RPS24: variants seen among roughly 807,000 people sequenced by gnomAD.
RPS24 encodes ribosomal protein S24, also known as small ribosomal subunit protein eS24.
For missense variants in RPS24, 100 were observed against 162.5 expected (o/e 0.62, Z 2.09); for synonymous variants, 72 against 55.6 (o/e 1.30, Z -1.31).
intron 4 of RPS24, 43 bp from the exon 5 acceptor site, chr10:78,040,161 T>G: frequency 6.2e-7 from 1 of 1,600,934 alleles, no homozygotes; most frequent in East Asian, 2.2e-5. Context: ...GAAATCTTTC[T>G]TTTCCCTCCT....
Position 78,035,695 on chromosome 10 carries a change from A to G in RPS24, c.254A>G (p.Asn85Ser). 1.2e-6 allele frequency: 2 copies of G among 1,601,690 alleles called. No homozygotes were observed. The highest frequency in any genetic ancestry group is 1.7e-6 in the Non-Finnish European group (2 of 1,179,850). Residue 85 changes from asparagine (N) to serine (S), a missense_variant, in exon 3 of 6, where the codon AAT becomes AGT. Transcript: ENST00000372360. The part of the protein sequence containing the change: ...IYDSLDYAKK[N>S]EPKHRLARHG... ...GATTCCCTGGATTATGCAAAGAAAA[A>G]TGAACCCAAACATAGACTTGCAAGA...
At chr10:78,045,266 C>G (rs563771406), downstream of RPS24, among the ~76,000 whole-genome samples, 1 of 152,050 alleles carries the variant, frequency 6.6e-6, no homozygotes, top group African/African-American at 2.4e-5. Context: ...GGATTACCGT[C>G]GTGAGGCACC....
chr10:78,050,083 G>T (rs1564632678), intron 4 of RPS24, among the ~76,000 whole-genome samples: 1 of 152,140 alleles, frequency 6.6e-6, no homozygotes, highest in East Asian at 1.9e-4. Flanking sequence ...CTGGATTTGG[G>T]TCTGGAAAAT....
intron 4 of RPS24, among the ~76,000 whole-genome samples, chr10:78,047,945 T>C (rs1486036625): frequency 1.3e-5 from 2 of 152,242 alleles, no homozygotes; most frequent in South Asian, 4.1e-4. Flanking sequence ...CACCACACTT[T>C]AAGATCTCTG....
intron 4 of RPS24, chr10:78,038,286 T>C (rs1847920259): frequency 5.4e-6 from 1 of 183,624 alleles, no homozygotes; most frequent in Non-Finnish European, 1.1e-5. Context: ...GTGAGTACTT[T>C]ACCAAGTAGG....
rs1300263009 is a variant in RPS24 at position 78,035,334 on chromosome 10, G to C, written c.4-18G>C. 1.2e-6 allele frequency: 2 copies of C among 1,612,810 alleles called. No individual in the cohort carries two copies. Among genetic ancestry groups the C allele is most frequent in the South Asian group, 1.1e-5 (1 of 91,038 alleles). ...AAAGTTGGAGTAGTTTTATTAACCA[G>C]AGTGTTTATGTTTTCAGAACGACAC... is the stretch of plus-strand genomic sequence containing the variant. On this transcript the variant is annotated intron_variant, in intron 1 of 5. Coordinates refer to ENST00000372360, the MANE Select transcript of RPS24 (RefSeq NM_033022.4).
downstream of RPS24, among the ~76,000 whole-genome samples, chr10:78,041,775 T>C (rs2131986539): frequency 6.6e-6 from 1 of 152,122 alleles, no homozygotes; most frequent in Non-Finnish European, 1.5e-5. Flanking sequence ...GGTTGCTAAG[T>C]TGATGCAGGG....
At chr10:78,052,796 C>CTGGAGTG (rs2131994635) in intron 4 of RPS24, among the ~76,000 whole-genome samples, 1 of 152,220 alleles carries the variant, frequency 6.6e-6, no homozygotes, top group South Asian at 2.1e-4. Context: ...AACATTTGTC[C>CTGGAGTG]TGGAGTGTGG....
downstream of RPS24, among the ~76,000 whole-genome samples, chr10:78,042,975 C>T (rs915232144): frequency 1.3e-5 from 2 of 151,132 alleles, no homozygotes; most frequent in Non-Finnish European, 2.9e-5. Context: ...CTCTGAACAA[C>T]GATCTCCATT....
At chr10:78,050,503 A>G (rs777837309) in intron 4 of RPS24, among the ~76,000 whole-genome samples, 10 of 152,132 alleles carry the variant, frequency 6.6e-5, no homozygotes, top group Non-Finnish European at 1.2e-4. Context: ...AGAGAATAAG[A>G]GCTTTATTGA....
intron 4 of RPS24, among the ~76,000 whole-genome samples, chr10:78,051,846 G>A (rs1848101443): frequency 6.6e-6 from 1 of 152,098 alleles, no homozygotes; most frequent in African/African-American, 2.4e-5. Context: ...CTTATTGGCT[G>A]TTTATATGTC....
At chr10:78,053,893 C>T (rs1051406425) in intron 4 of RPS24, among the ~76,000 whole-genome samples, 2 of 152,130 alleles carry the variant, frequency 1.3e-5, no homozygotes, top group Non-Finnish European at 2.9e-5. Flanking sequence ...AGGAGACCAA[C>T]ATGTCTACCA....
intron 5 of RPS24, 74 bp downstream of exon 5, chr10:78,040,299 C>A: frequency 3.2e-6 from 4 of 1,243,422 alleles, no homozygotes; most frequent in Non-Finnish European, 4.7e-6. Context: ...AATTTAAAAG[C>A]AGATCATGTG....
chr10:78,041,434 T>C (rs1847985240), downstream of RPS24, among the ~76,000 whole-genome samples: 1 of 152,090 alleles, frequency 6.6e-6, no homozygotes, highest in African/African-American at 2.4e-5. Flanking sequence ...GTACTTCGGT[T>C]TGTGGGGCCT....
intron 4 of RPS24, among the ~76,000 whole-genome samples, chr10:78,052,181 A>G (rs1214721485): frequency 6.6e-6 from 1 of 151,996 alleles, no homozygotes; most frequent in African/African-American, 2.4e-5. Flanking sequence ...ATGCACCACC[A>G]TGCCTGGCTA....
downstream of RPS24, among the ~76,000 whole-genome samples, chr10:78,044,325 A>C (rs950816453): frequency 6.6e-6 from 1 of 152,142 alleles, no homozygotes; most frequent in Non-Finnish European, 1.5e-5. Context: ...AGGTGAGACC[A>C]GTCATTCTGC....
intron 4 of RPS24, chr10:78,039,434 TCTCA>T (rs1847944464): frequency 6.6e-6 from 1 of 152,290 alleles, no homozygotes; most frequent in African/African-American, 2.4e-5. Flanking sequence ...CACTGGTGCC[TCTCA>T]CTAGCACTGC....
downstream of RPS24, chr10:78,040,701 G>A (rs1847975050): frequency 6.2e-7 from 1 of 1,610,616 alleles, no homozygotes; most frequent in African/African-American, 1.3e-5. Context: ...AACTTCATGT[G>A]TCTGGTTGTT....
At chr10:78,034,770 A>G (rs1847824663) in intron 1 of RPS24, among the ~76,000 whole-genome samples, 1 of 152,250 alleles carries the variant, frequency 6.6e-6, no homozygotes, top group Admixed American at 6.5e-5. Context: ...GATAGATTAC[A>G]TGTAGGTAGT....
Sources: gnomAD v4.1 joint callset for allele counts (sites outside exome capture counted in the v4.1 genomes callset) on GRCh38, gnomAD v4.1.1 for gene constraint, MANE v1.5 for transcripts, NCBI Gene and HGNC (gene_info 2026-07-23, HGNC 2026-07-21) for gene names.